The following STMN2 variants were observed in gnomAD, a reference collection of about 807,000 sequenced individuals.
The protein encoded by STMN2 is stathmin 2.
In STMN2, 2 loss-of-function variants were observed where a neutral mutation model predicts 24.1. The ratio of observed to expected loss-of-function variants is 0.08; its 90% CI spans 0.03 to 0.26. The LOEUF (loss-of-function observed/expected upper bound fraction) is 0.26, where lower values mean the gene tolerates loss of function less well. Ranked by LOEUF, STMN2 falls within the 10% of genes least tolerant of loss-of-function variation. The probability of loss-of-function intolerance (pLI) is 1.00; values close to 1 mark genes in which losing one functional copy is unlikely to be tolerated. For synonymous variants in STMN2, 83 were observed against 77.5 expected (o/e 1.07, Z -0.37); for missense variants, 114 against 213.6 (o/e 0.53, Z 2.91).
At chr8:79,650,982 T>C (rs1306474097) in intron 3 of STMN2, among the ~76,000 whole-genome samples, 2 of 152,214 alleles carry the variant, frequency 1.3e-5, no homozygotes, top group South Asian at 2.1e-4. Flanking sequence ...TAGAGACTAA[T>C]ATAGGAAGTC....
intron 4 of STMN2, among the ~76,000 whole-genome samples, chr8:79,657,511 CCAA>C (rs1275886231): frequency 6.6e-6 from 1 of 152,178 alleles, no homozygotes; most frequent in Non-Finnish European, 1.5e-5. Context: ...CCATATAGTT[CCAA>C]TATGCAGCCA....
intron 1 of STMN2, among the ~76,000 whole-genome samples, chr8:79,633,623 TG>T (rs1809867624): frequency 6.6e-6 from 1 of 152,196 alleles, no homozygotes; most frequent in Non-Finnish European, 1.5e-5. Context: ...CATTTTCATG[TG>T]GCAAAAGGAG....
intron 4 of STMN2, among the ~76,000 whole-genome samples, chr8:79,655,283 T>A (rs553803824): frequency 3.9e-5 from 6 of 152,204 alleles, no homozygotes; most frequent in African/African-American, 1.4e-4. Context: ...TTTGTCAAAT[T>A]TTCCCATGGT....
At chr8:79,638,563 T>C (rs1166431481) in intron 2 of STMN2, among the ~76,000 whole-genome samples, 1 of 152,218 alleles carries the variant, frequency 6.6e-6, no homozygotes, top group Non-Finnish European at 1.5e-5. Context: ...CGTGACTTGT[T>C]TATTGCAGGC....
chr8:79,640,956 C>A (rs1255545153), intron 2 of STMN2, among the ~76,000 whole-genome samples: 1 of 152,092 alleles, frequency 6.6e-6, no homozygotes, highest in Non-Finnish European at 1.5e-5. Context: ...CTGAAGAACT[C>A]CGTTATGTTT....
chr8:79,642,168 A>G (rs908989024), intron 3 of STMN2, among the ~76,000 whole-genome samples: 1 of 152,040 alleles, frequency 6.6e-6, no homozygotes, highest in African/African-American at 2.4e-5. Flanking sequence ...TATGTTCTTT[A>G]TCTTTTTCTA....
At chr8:79,640,629 G>A (rs765823080) in intron 2 of STMN2, among the ~76,000 whole-genome samples, 4 of 152,168 alleles carry the variant, frequency 2.6e-5, no homozygotes, top group Non-Finnish European at 5.9e-5. Context: ...ATGGGGTGTT[G>A]TCTTATTGCC....
chr8:79,651,416 T>G (rs1810331642), intron 3 of STMN2, among the ~76,000 whole-genome samples: 1 of 152,098 alleles, frequency 6.6e-6, no homozygotes, highest in African/African-American at 2.4e-5. Flanking sequence ...GTAAATGGAG[T>G]AGGCATTGGT....
At chr8:79,633,452 T>C (rs1809864418) in intron 1 of STMN2, among the ~76,000 whole-genome samples, 1 of 152,186 alleles carries the variant, frequency 6.6e-6, no homozygotes. Flanking sequence ...ATTTTCTTAG[T>C]TTTAGCTGAT....
intron 1 of STMN2, among the ~76,000 whole-genome samples, chr8:79,617,996 G>C (rs1372474076): frequency 1.3e-5 from 2 of 152,242 alleles, no homozygotes; most frequent in Non-Finnish European, 2.9e-5. Context: ...CACACAGTTA[G>C]TCAGATCCAG....
intron 1 of STMN2, 151 bp from the exon 2 acceptor site, chr8:79,636,651 G>C (rs957812249): frequency 2.9e-6 from 2 of 684,208 alleles, no homozygotes; most frequent in African/African-American, 3.6e-5. Context: ...TTGACATCTT[G>C]CATTCCTTTA....
In STMN2 at chr8:79,654,865, C is replaced by T. The variant is rs769265057; in HGVS notation, c.289-6C>T. The T allele has an allele frequency of 6.2e-7, 1 of 1,608,408 alleles. No individual in the cohort carries two copies. Among genetic ancestry groups the T allele is most frequent in the South Asian group, 1.1e-5 (1 of 90,754 alleles). ...ATTATAAGATGGCTATGTTTTTCTT[C>T]CCCAGTCTCAGGAGGCCCAGGTGCT... On this transcript the variant is annotated splice_polypyrimidine_tract_variant and splice_region_variant and intron_variant, in intron 3 of 4. Coordinates refer to ENST00000220876, the MANE Select transcript of STMN2 (RefSeq NM_007029.4).
Position 79,664,942 on chromosome 8 carries a change from G to T in STMN2, c.*68G>T, listed in dbSNP as rs925896323. 4.3e-6 allele frequency: 6 copies of T among 1,381,062 alleles called. No homozygotes were observed. The Admixed American group carries it at 6.0e-5, about 14-fold the overall frequency. 85.6% of individuals were successfully genotyped at this position (1,381,062 alleles called of 1,614,324 possible). The stretch of plus-strand genomic sequence containing the variant: ...CTGCCTATATTATAATGGATCATGC[G>T]ATATCAGGATGGGGAATGTATGACA... On this transcript the variant is annotated 3_prime_UTR_variant, in exon 5 of 5. Coordinates refer to ENST00000220876, the MANE Select transcript of STMN2 (RefSeq NM_007029.4).
chr8:79,634,850 C>A (rs894413941), intron 1 of STMN2, among the ~76,000 whole-genome samples: 8 of 152,126 alleles, frequency 5.3e-5, no homozygotes, highest in Non-Finnish European at 1.2e-4. Context: ...TCTGAGAATC[C>A]TCTTTCCCAA....
chr8:79,615,782 G>GA (rs1809369850), intron 1 of STMN2, among the ~76,000 whole-genome samples: 1 of 152,222 alleles, frequency 6.6e-6, no homozygotes, highest in Non-Finnish European at 1.5e-5. Flanking sequence ...TTTTCAAGGA[G>GA]ACAGGATGAA....
chr8:79,648,245 T>C (rs764549399), intron 3 of STMN2, among the ~76,000 whole-genome samples: 2 of 152,140 alleles, frequency 1.3e-5, no homozygotes, highest in Non-Finnish European at 2.9e-5. Context: ...ATGAGACTAG[T>C]AATAGAACTT....
At chr8:79,618,137 C>A (rs1408184282) in intron 1 of STMN2, among the ~76,000 whole-genome samples, 1 of 152,234 alleles carries the variant, frequency 6.6e-6, no homozygotes, top group African/African-American at 2.4e-5. Flanking sequence ...TTTATTTAAA[C>A]AGACCAGAGA....
chr8:79,641,669 C>CACACAT (rs1810103200), intron 3 of STMN2, 119 bp downstream of exon 3: 1 of 739,486 alleles, frequency 1.4e-6, no homozygotes, highest in Non-Finnish European at 2.0e-6. Flanking sequence ...CACACACACA[C>CACACAT]ACATACAGAG....
chr8:79,660,948 C>T (rs1806488906), intron 4 of STMN2, among the ~76,000 whole-genome samples: 1 of 152,124 alleles, frequency 6.6e-6, no homozygotes, highest in Admixed American at 6.6e-5. Context: ...TGGCCTCCAG[C>T]TCCACCCAAG....
Sources: allele counts gnomAD v4.1 joint callset (sites outside exome capture counted in the v4.1 genomes callset), GRCh38; gene constraint gnomAD v4.1.1; transcripts MANE v1.5; gene names NCBI Gene and HGNC (gene_info 2026-07-23, HGNC 2026-07-21).